Variants in TMLHE observed in about 807,000 individuals in gnomAD.
TMLHE encodes the protein trimethyllysine hydroxylase, epsilon.
A neutral mutation model predicts 25.7 loss-of-function variants in TMLHE; 18 were observed. The observed-to-expected ratio is 0.70, with a 90% CI of 0.48 to 1.04. The LOEUF (loss-of-function observed/expected upper bound fraction) is 1.04, where lower values mean the gene tolerates loss of function less well. TMLHE is among the 50% of genes least tolerant of loss of function. The probability of loss-of-function intolerance (pLI) is 0.00; values close to 1 mark genes in which losing one functional copy is unlikely to be tolerated. For missense variants in TMLHE, 236 were observed against 259.0 expected (o/e 0.91, Z 0.61); for synonymous variants, 105 against 97.0 (o/e 1.08, Z -0.49).
chrX:155,553,860 CATATT>C (rs1557340374), intron 1 of TMLHE, among the ~76,000 whole-genome samples: 1 of 110,188 alleles, frequency 9.1e-6, no homozygotes, highest in Non-Finnish European at 1.9e-5. Flanking sequence ...ATATATATGA[CATATT>C]AAAGTGTAGC....
chrX:155,596,312 A>G (rs187039107), intron 1 of TMLHE, among the ~76,000 whole-genome samples: 2 of 112,022 alleles, frequency 1.8e-5, no homozygotes, highest in East Asian at 5.6e-4. Flanking sequence ...CCTTATCAGT[A>G]AGATACTGAC....
intron 2 of TMLHE, among the ~76,000 whole-genome samples, chrX:155,534,787 A>T (rs1029298162): frequency 1.8e-5 from 2 of 111,531 alleles, no homozygotes; most frequent in East Asian, 5.6e-4. Flanking sequence ...TGTGAGAAGA[A>T]TATGAATTTG....
intron 1 of TMLHE, among the ~76,000 whole-genome samples, chrX:155,607,374 C>T (rs1319704803): frequency 9.0e-6 from 1 of 111,357 alleles, no homozygotes; most frequent in African/African-American, 3.3e-5. Context: ...ATTGCAGCAT[C>T]TATTCATATT....
intron 2 of TMLHE, among the ~76,000 whole-genome samples, chrX:155,529,228 A>T (rs2067236099): frequency 9.0e-6 from 1 of 111,469 alleles, no homozygotes; most frequent in Admixed American, 9.5e-5. Flanking sequence ...GTCTCAAAGT[A>T]CAGCCTTGGG....
chrX:155,548,479 A>T (rs781920548), intron 1 of TMLHE, among the ~76,000 whole-genome samples: 58 of 108,838 alleles, frequency 5.3e-4, no homozygotes, highest in East Asian at 2.3e-3. Flanking sequence ...CTCATGCCTG[A>T]AATCCCAGCA....
intron 4 of TMLHE, among the ~76,000 whole-genome samples, chrX:155,512,279 C>T (rs782617110): frequency 0.012 from 1,246 of 105,666 alleles, 24 homozygotes; most frequent in African/African-American, 0.039. Context: ...AACTCATCAT[C>T]TAGCATTAGG....
intron 1 of TMLHE, among the ~76,000 whole-genome samples, chrX:155,579,153 A>G (rs1467822028): frequency 9.3e-6 from 1 of 107,965 alleles, no homozygotes; most frequent in Non-Finnish European, 1.9e-5. Flanking sequence ...AAAAGAATCA[A>G]TATTGTTAAA....
intron 1 of TMLHE, among the ~76,000 whole-genome samples, chrX:155,575,546 G>GA (rs1230631820): frequency 9.0e-6 from 1 of 111,651 alleles, no homozygotes; most frequent in East Asian, 2.8e-4. Flanking sequence ...TCTACATACT[G>GA]AAAAATCACA....
intron 2 of TMLHE, among the ~76,000 whole-genome samples, chrX:155,526,554 A>C (rs1269404878): frequency 1.8e-5 from 2 of 112,360 alleles, no homozygotes; most frequent in African/African-American, 6.5e-5. Flanking sequence ...CAGAGTCCCC[A>C]CTAGGGCACT....
chrX:155,533,567 G>GA (rs1339076223), intron 2 of TMLHE, among the ~76,000 whole-genome samples: 5 of 110,928 alleles, frequency 4.5e-5, no homozygotes, highest in Admixed American at 2.9e-4. Flanking sequence ...GTACATGCTA[G>GA]AAAAAAGCCT....
chrX:155,547,358 A>C (rs1261785050), intron 1 of TMLHE, among the ~76,000 whole-genome samples: 2 of 109,298 alleles, frequency 1.8e-5, no homozygotes, highest in East Asian at 5.7e-4. Context: ...GTTAGCCAGG[A>C]TGGTCTCGAT....
intron 1 of TMLHE, among the ~76,000 whole-genome samples, chrX:155,585,452 CAT>C (rs1185357565): frequency 1.9e-3 from 163 of 87,779 alleles, no homozygotes; most frequent in Non-Finnish European, 2.2e-3. Flanking sequence ...CACACACACA[CAT>C]ATATATATGC....
chrX:155,538,420 G>C (rs1001418608), intron 2 of TMLHE, among the ~76,000 whole-genome samples: 2 of 111,553 alleles, frequency 1.8e-5, no homozygotes, highest in Non-Finnish European at 3.8e-5. Context: ...GCACTGGCTA[G>C]TATCATTTTA....
intron 1 of TMLHE, among the ~76,000 whole-genome samples, chrX:155,587,114 C>A (rs1205301853): frequency 1.8e-5 from 2 of 111,679 alleles, no homozygotes; most frequent in African/African-American, 3.3e-5. Context: ...CAAAAATCCT[C>A]AACAAAATAC....
chrX:155,582,649 G>A lies in TMLHE; in HGVS notation c.-2+30143C>T, dbSNP rs782507834. On this transcript the variant is annotated intron_variant, in intron 1 of 7. Coordinates refer to ENST00000334398, the MANE Select transcript of TMLHE (RefSeq NM_018196.4). Reference sequence around the variant, plus strand: ...ACCATTTCACACCAGTTAGAATGGCGATCATTAAAAAGTCAGGAAACAACA... The same window carrying A: ...ACCATTTCACACCAGTTAGAATGGCAATCATTAAAAAGTCAGGAAACAACA... 3.8e-3 allele frequency among the ~76,000 whole-genome samples: 423 copies of A among 111,840 alleles called. 3 individuals carry two copies. Among genetic ancestry groups the A allele is most frequent in the African/African-American group, 0.013 (386 of 30,812 alleles).
intron 2 of TMLHE, among the ~76,000 whole-genome samples, chrX:155,531,852 A>G (rs1295755932): frequency 9.0e-6 from 1 of 111,554 alleles, no homozygotes; most frequent in Admixed American, 9.5e-5. Flanking sequence ...TCCAGTTGTG[A>G]CGACAAAAAA....
intron 1 of TMLHE, among the ~76,000 whole-genome samples, chrX:155,548,701 C>T (rs1196103161): frequency 8.4e-5 from 9 of 107,293 alleles, no homozygotes; most frequent in African/African-American, 1.4e-4. Flanking sequence ...TGCCACTGCA[C>T]TCCAGCCTGG....
chrX:155,542,839 C>G (rs1557338354), intron 2 of TMLHE, among the ~76,000 whole-genome samples: 1 of 110,856 alleles, frequency 9.0e-6, no homozygotes, highest in Non-Finnish European at 1.9e-5. Context: ...TTTTTCTCCC[C>G]ACTAGGCTGC....
At position 155,528,012 on chromosome X, in the gene TMLHE, G is replaced by A; in HGVS notation, c.182-3380C>T. ...ATATCAATAAGGAAAGTCACCAGAA[G>A]TGACGGGCAAACGTATGAACTGCCC... is the stretch of plus-strand genomic sequence containing the variant. On this transcript the variant is annotated intron_variant, in intron 2 of 7. Coordinates refer to ENST00000334398, the MANE Select transcript of TMLHE (RefSeq NM_018196.4). 1.8e-5 allele frequency among the ~76,000 whole-genome samples: 2 copies of A among 111,375 alleles called. 1 individual carries two copies. Among genetic ancestry groups the A allele is most frequent in the South Asian group, 7.5e-4 (2 of 2,668 alleles).
Sources: allele counts gnomAD v4.1 joint callset (sites outside exome capture counted in the v4.1 genomes callset), GRCh38; gene constraint gnomAD v4.1.1; transcripts MANE v1.5; gene names NCBI Gene and HGNC (gene_info 2026-07-23, HGNC 2026-07-21).